Variants in UGT2A2 observed in about 807,000 individuals in gnomAD.
UGT2A2 encodes the protein UDP glucuronosyltransferase family 2 member A2.
UGT2A2 carries 60 observed loss-of-function variants against 50.7 expected under a neutral mutation model. The observed-to-expected ratio is 1.18, with a 90% CI of 0.96 to 1.47. The LOEUF is 1.47. Among genes scored for constraint, UGT2A2 ranks in the 40% most tolerant of loss-of-function variants. The pLI, the probability that UGT2A2 is intolerant of heterozygous loss-of-function variation, is 0.00. For missense variants in UGT2A2, 762 were observed against 634.0 expected (o/e 1.20, Z -2.17); for synonymous variants, 242 against 214.6 (o/e 1.13, Z -1.11).
In UGT2A2 at chr4:69,596,290, G is replaced by T. The variant is rs1326726392; in HGVS notation, c.983C>A (p.Ala328Asp). 6.2e-7 allele frequency: 1 copy of T among 1,606,818 alleles called. No individual in the cohort carries two copies. The highest frequency in any genetic ancestry group is 8.5e-7 in the Non-Finnish European group (1 of 1,175,694). The change falls in exon 3 of 6, where the codon GCC (alanine) becomes GAC (aspartate). Residue 328 changes from alanine to aspartate, a missense_variant. Physicochemically the swap from Ala to Asp is moderately radical, Grantham distance 126. Transcript: ENST00000604629. ...SMVKNLTEEK[A>D]NLIASALAQI... is the part of the protein sequence containing the mutation. ...GGCAAGGGCTGAGGCAATAAGATTGGCCTTTTCTTCTGTAAGGTTTTTGAC... is the reference window on the plus strand; with the variant it reads ...GGCAAGGGCTGAGGCAATAAGATTGTCCTTTTCTTCTGTAAGGTTTTTGAC...
chr4:69,620,352 C>A (rs763004877), intron 1 of UGT2A2, among the ~76,000 whole-genome samples: 9 of 133,700 alleles, frequency 6.7e-5, no homozygotes, highest in Admixed American at 3.6e-4. Flanking sequence ...AAGCAGAGAA[C>A]CAAATCAGGA....
intron 1 of UGT2A2, among the ~76,000 whole-genome samples, chr4:69,632,885 CAAA>C (rs199639033): frequency 1.3e-4 from 11 of 87,524 alleles, no homozygotes; most frequent in Admixed American, 1.2e-4. Context: ...AAGACTCGGT[CAAA>C]AAAAAAAAAA....
intron 1 of UGT2A2, among the ~76,000 whole-genome samples, chr4:69,636,227 C>T (rs981086308): frequency 4.6e-5 from 7 of 152,108 alleles, no homozygotes; most frequent in Admixed American, 3.9e-4. Context: ...GTAATGGAAA[C>T]GCCACAAAAA....
intron 1 of UGT2A2, among the ~76,000 whole-genome samples, chr4:69,600,974 CAG>C (rs2109894095): frequency 6.6e-6 from 1 of 152,184 alleles, no homozygotes; most frequent in South Asian, 2.1e-4. Context: ...AAGACTTGGG[CAG>C]AGACACAGAT....
intron 1 of UGT2A2, among the ~76,000 whole-genome samples, chr4:69,618,199 G>GTGTGTGTGTATGTT (rs1553905677): frequency 1.8e-4 from 16 of 87,136 alleles, no homozygotes; most frequent in East Asian, 1.5e-3. Flanking sequence ...GTGTGTGTGT[G>GTGTGTGTGTATGTT]TGTGTGTGTG....
At chr4:69,630,029 A>T (rs530068701) in intron 1 of UGT2A2, among the ~76,000 whole-genome samples, 1 of 152,238 alleles carries the variant, frequency 6.6e-6, no homozygotes, top group South Asian at 2.1e-4. Context: ...AAAATAATTT[A>T]CTGGAATTTA....
chr4:69,611,067 T>C (rs949559512), intron 1 of UGT2A2, among the ~76,000 whole-genome samples: 3 of 152,066 alleles, frequency 2.0e-5, no homozygotes, highest in Non-Finnish European at 4.4e-5. Context: ...TTTAGCAGAA[T>C]AGGCAAATAA....
intron 1 of UGT2A2, among the ~76,000 whole-genome samples, chr4:69,632,663 G>A (rs1721451188): frequency 6.6e-6 from 1 of 152,044 alleles, no homozygotes; most frequent in Non-Finnish European, 1.5e-5. Flanking sequence ...GCAGAGGCGG[G>A]CAGATCACAA....
chr4:69,629,009 G>T (rs544505816), intron 1 of UGT2A2, among the ~76,000 whole-genome samples: 4 of 151,298 alleles, frequency 2.6e-5, no homozygotes, highest in Non-Finnish European at 5.9e-5. Flanking sequence ...GATATCAGGT[G>T]ATACATGGTT....
Position 69,599,341 on chromosome 4 carries a change from G to A in UGT2A2, c.796C>T (p.Arg266Ter), listed in dbSNP as rs138827969. The change falls in exon 2 of 6, where the codon CGA (arginine) becomes TGA (stop). Residue 266 changes from arginine to a stop codon, truncating the protein, a stop_gained. Transcript: ENST00000604629. LOFTEE classifies it high-confidence loss of function. The stretch of plus-strand genomic sequence containing the variant: ...GGAAATTCAAAATCCCAATATGTTC[G>A]GATTAACCAAATTTCAGCTTTCCCC... ...TMGKAEIWLI[R>*]TYWDFEFPRP... 2.4e-4 allele frequency: 390 copies of A among 1,613,484 alleles called. 1 individual carries two copies. The highest frequency in any genetic ancestry group is 6.6e-4 in the Middle Eastern group (4 of 6,082).
At chr4:69,633,132 G>A (rs965852199) in intron 1 of UGT2A2, among the ~76,000 whole-genome samples, 38 of 152,122 alleles carry the variant, frequency 2.5e-4, no homozygotes, top group African/African-American at 9.2e-4. Context: ...AAAGGTCTGG[G>A]TAGTGGCCTT....
At chr4:69,590,496 T>A (rs1718525973) in intron 5 of UGT2A2, among the ~76,000 whole-genome samples, 2 of 152,182 alleles carry the variant, frequency 1.3e-5, no homozygotes, top group South Asian at 4.1e-4. Flanking sequence ...TTCATGAAGA[T>A]GAGCGAAGGT....
chr4:69,598,083 A>C (rs1719046602), intron 2 of UGT2A2, among the ~76,000 whole-genome samples: 1 of 152,128 alleles, frequency 6.6e-6, no homozygotes, highest in African/African-American at 2.4e-5. Context: ...ATACGTCATG[A>C]ATATTTCTGT....
chr4:69,589,773 T>C, intron 5 of UGT2A2, 122 bp from the exon 6 acceptor site: 3 of 1,369,838 alleles, frequency 2.2e-6, no homozygotes, highest in Non-Finnish European at 2.9e-6. Flanking sequence ...GAAAATATAA[T>C]TCTTGCATGA....
Position 69,639,421 on chromosome 4 carries a change from G to T in UGT2A2, c.220C>A (p.Pro74Thr). 6.2e-7 allele frequency: 1 copy of T among 1,613,242 alleles called. No homozygotes were observed. The highest frequency in any genetic ancestry group is 8.5e-7 in the Non-Finnish European group (1 of 1,179,564). Residue 74 changes from proline to threonine, a missense_variant, in exon 1 of 6, where the codon CCC (proline) becomes ACC (threonine). By Grantham distance (38) the Pro-to-Thr change is conservative (BLOSUM62 -1). Coordinates refer to ENST00000604629, the MANE Select transcript of UGT2A2 (RefSeq NM_001105677.2). ...SSATLFINSN[P>T]DSPVNFEVIP... is the part of the protein sequence containing the mutation. ...ACTTCAAAATTCACAGGAGAATCGG[G>T]ATTGGAGTTGATGAATAGAGTTGCT...
intron 1 of UGT2A2, among the ~76,000 whole-genome samples, chr4:69,618,008 G>T (rs1045360623): frequency 1.1e-3 from 163 of 151,918 alleles, no homozygotes; most frequent in African/African-American, 3.9e-3. Flanking sequence ...TTTAATGAGA[G>T]AAAATTTTCC....
At chr4:69,622,876 G>A (rs1433802553) in intron 1 of UGT2A2, among the ~76,000 whole-genome samples, 1 of 151,772 alleles carries the variant, frequency 6.6e-6, no homozygotes, top group South Asian at 2.1e-4. Flanking sequence ...GACAAAAATT[G>A]CTAAAAATTC....
At chr4:69,611,649 A>G (rs1720066068) in intron 1 of UGT2A2, among the ~76,000 whole-genome samples, 1 of 152,100 alleles carries the variant, frequency 6.6e-6, no homozygotes, top group African/African-American at 2.4e-5. Flanking sequence ...AAACTATGGG[A>G]TTATTTTTCA....
At chr4:69,633,483 T>C (rs995144143) in intron 1 of UGT2A2, among the ~76,000 whole-genome samples, 2 of 152,126 alleles carry the variant, frequency 1.3e-5, no homozygotes, top group African/African-American at 4.8e-5. Flanking sequence ...TATTCACCAA[T>C]ATTAGGTACA....
Sources: allele counts gnomAD v4.1 joint callset (sites outside exome capture counted in the v4.1 genomes callset), GRCh38; gene constraint gnomAD v4.1.1; transcripts MANE v1.5; gene names NCBI Gene and HGNC (gene_info 2026-07-23, HGNC 2026-07-21).